The following IFT43 variants were observed in gnomAD, a reference collection of about 807,000 sequenced individuals.
The protein encoded by IFT43 is intraflagellar transport protein 43 homolog.
IFT43 carries 33 observed loss-of-function variants against 32.3 expected under a neutral mutation model. The ratio of observed to expected loss-of-function variants is 1.02; its 90% CI spans 0.77 to 1.37. The LOEUF is 1.37. IFT43 is among the 40% of genes most tolerant of loss of function. The probability of loss-of-function intolerance (pLI) is 0.00; values close to 1 mark genes in which losing one functional copy is unlikely to be tolerated. For synonymous variants in IFT43, 93 were observed against 98.2 expected (o/e 0.95, Z 0.31); for missense variants, 274 against 265.9 (o/e 1.03, Z -0.21).
At chr14:76,063,630 A>T (rs1350972556) in intron 5 of IFT43, among the ~76,000 whole-genome samples, 2 of 152,134 alleles carry the variant, frequency 1.3e-5, no homozygotes, top group Non-Finnish European at 2.9e-5. Context: ...AGTACCATGT[A>T]TTTTTCCTCC....
chr14:75,997,616 T>C (rs2035772109), intron 2 of IFT43, among the ~76,000 whole-genome samples: 1 of 152,242 alleles, frequency 6.6e-6, no homozygotes, highest in African/African-American at 2.4e-5. Context: ...CTTTTTTTGG[T>C]ATGTGAAACT....
chr14:76,013,916 A>G (rs2036133126), intron 2 of IFT43: 2 of 233,744 alleles, frequency 8.6e-6, no homozygotes, highest in South Asian at 2.0e-4. Context: ...CACCCAAACA[A>G]TGACAAAAAG....
chr14:76,082,407 G>A lies in IFT43; in HGVS notation c.368+40G>A, dbSNP rs200422145. ...ATATGATTGGGGAGGCAAAGAACAC[G>A]TGAATTAATACACTCCAGATATCAT... On this transcript the variant is annotated intron_variant, in intron 6 of 8. Transcript: ENST00000314067. 1.7e-4 allele frequency: 225 copies of A among 1,325,984 alleles called. No homozygotes were observed. In the African/African-American group the frequency reaches 2.6e-3, roughly 15 times the overall value. 82.1% of individuals were successfully genotyped at this position (1,325,984 alleles called of 1,614,324 possible).
chr14:76,044,628 G>C (rs761227825), intron 3 of IFT43, among the ~76,000 whole-genome samples: 2 of 152,166 alleles, frequency 1.3e-5, no homozygotes, highest in Non-Finnish European at 2.9e-5. Flanking sequence ...CCTGGTACCA[G>C]CCTCCATCCT....
chr14:75,999,263 ATATATATATGTATATATAT>A (rs1448087867), intron 2 of IFT43, among the ~76,000 whole-genome samples: 16 of 24,572 alleles, frequency 6.5e-4, no homozygotes, highest in African/African-American at 2.1e-3. Context: ...ATATATATAT[ATATATATATGTATATATAT>A]TTTTTTTTTT....
Position 76,052,047 on chromosome 14 carries a change from C to T in IFT43, c.216-6595C>T, listed in dbSNP as rs142394356. Among the ~76,000 whole-genome samples, 13 of 152,284 alleles carry T rather than the reference C, an allele frequency of 8.5e-5. No homozygotes were observed. The East Asian group carries it at 9.7e-4, about 11-fold the overall frequency. On this transcript the variant is annotated intron_variant, in intron 3 of 8. Transcript: ENST00000314067. ...CAAGGCTCCAGGTGCTTGGCACTTT[C>T]GTCTATTTTAAGCCTGTTCTGCCTT...
chr14:75,995,236 A>C (rs978544194), intron 2 of IFT43, among the ~76,000 whole-genome samples: 1 of 152,180 alleles, frequency 6.6e-6, no homozygotes, highest in Admixed American at 6.5e-5. Context: ...TTCTGACTCA[A>C]GTGCCTAACC....
intron 3 of IFT43, among the ~76,000 whole-genome samples, chr14:76,052,386 T>A (rs2036931209): frequency 6.6e-6 from 1 of 152,178 alleles, no homozygotes. Flanking sequence ...TAAGGCCTCT[T>A]CTGTCTGGTG....
chr14:76,017,342 A>G (rs571467259), intron 2 of IFT43, among the ~76,000 whole-genome samples: 2 of 152,082 alleles, frequency 1.3e-5, no homozygotes, highest in South Asian at 2.1e-4. Context: ...TTGGTGTTAT[A>G]TATCAGATTT....
At chr14:76,053,655 G>A (rs970811057) in intron 3 of IFT43, among the ~76,000 whole-genome samples, 1 of 152,180 alleles carries the variant, frequency 6.6e-6, no homozygotes, top group African/African-American at 2.4e-5. Flanking sequence ...GAGAGAGAAC[G>A]TTTACTGTCA....
intron 2 of IFT43, among the ~76,000 whole-genome samples, chr14:76,015,198 A>C (rs1365372346): frequency 6.6e-6 from 1 of 152,162 alleles, no homozygotes; most frequent in Non-Finnish European, 1.5e-5. Context: ...GCCCCTAACA[A>C]GACTCATATT....
chr14:76,053,920 G>T (rs1188510854), intron 3 of IFT43, among the ~76,000 whole-genome samples: 1 of 152,174 alleles, frequency 6.6e-6, no homozygotes, highest in East Asian at 1.9e-4. Context: ...GATCACTCAG[G>T]AACAGAGACT....
chr14:76,049,086 C>G (rs1449558574), intron 3 of IFT43, among the ~76,000 whole-genome samples: 2 of 152,206 alleles, frequency 1.3e-5, no homozygotes. Context: ...AAGTAAAAGA[C>G]CCACTCCAGC....
chr14:76,011,558 T>C (rs2036086007), intron 2 of IFT43, among the ~76,000 whole-genome samples: 1 of 152,214 alleles, frequency 6.6e-6, no homozygotes, highest in Admixed American at 6.5e-5. Flanking sequence ...AATATATGGG[T>C]TGATTCTTTG....
At chr14:76,063,297 T>G (rs1219657369) in intron 5 of IFT43, among the ~76,000 whole-genome samples, 2 of 152,246 alleles carry the variant, frequency 1.3e-5, no homozygotes, top group East Asian at 3.8e-4. Context: ...TCAAGGAGGT[T>G]GTGCTCAAGT....
At chr14:76,004,037 A>G (rs137927525) in intron 2 of IFT43, among the ~76,000 whole-genome samples, 1,634 of 152,284 alleles carry the variant, frequency 0.011, 29 homozygotes, top group African/African-American at 0.037. Flanking sequence ...CGGCCTCCCA[A>G]AGTGCTGGGA....
In IFT43 at chr14:75,987,130, T is replaced by C. The variant is rs554787294; in HGVS notation, c.54+1290T>C. The stretch of plus-strand genomic sequence containing the variant: ...AAAACCTTGAAATACTTAAAAATTA[T>C]TAGAGAAAACACCTGTGAACAGCAT... On this transcript the variant is annotated intron_variant, in intron 1 of 8. Coordinates refer to ENST00000314067, the MANE Select transcript of IFT43 (RefSeq NM_001102564.3). 1.3e-3 allele frequency among the ~76,000 whole-genome samples: 198 copies of C among 152,326 alleles called. 3 individuals are homozygous for C. In the South Asian group the frequency reaches 0.019, roughly 15 times the overall value.
At chr14:76,002,371 G>C (rs922108830) in intron 2 of IFT43, among the ~76,000 whole-genome samples, 10 of 152,152 alleles carry the variant, frequency 6.6e-5, no homozygotes, top group Non-Finnish European at 1.2e-4. Flanking sequence ...AGGTAAGGGG[G>C]GGGGTGGCAT....
chr14:76,079,763 G>A (rs2037475083), intron 5 of IFT43, among the ~76,000 whole-genome samples: 3 of 152,208 alleles, frequency 2.0e-5, no homozygotes, highest in Admixed American at 2.0e-4. Context: ...TGCTTTGCAT[G>A]TCAGACTTTA....
Sources: gnomAD v4.1 joint callset for allele counts (sites outside exome capture counted in the v4.1 genomes callset) on GRCh38, gnomAD v4.1.1 for gene constraint, MANE v1.5 for transcripts, NCBI Gene and HGNC (gene_info 2026-07-23, HGNC 2026-07-21) for gene names.